SPMIP9: variants seen among roughly 807,000 people sequenced by gnomAD.
SPMIP9 encodes the protein protein SPMIP9.
chr2:88,526,271 G>A, the SPMIP9 span: 2 of 695,376 alleles, frequency 2.9e-6, no homozygotes, highest in Non-Finnish European at 2.6e-6. Context: ...ATGGGTCACA[G>A]CCAGATCATT....
chr2:88,526,720 A>G, the SPMIP9 span, among the ~76,000 whole-genome samples: 1 of 151,904 alleles, frequency 6.6e-6, no homozygotes, highest in Non-Finnish European at 1.5e-5. Flanking sequence ...GCTGGAGTGC[A>G]GTGGCGCGAT....
At chr2:88,526,516 C>T in the SPMIP9 span, 4 of 1,591,252 alleles carry the variant, frequency 2.5e-6, no homozygotes, top group East Asian at 6.7e-5. Flanking sequence ...GCACGCAAGT[C>T]CTGTCATTCA....
the SPMIP9 span, chr2:88,526,546 CCT>C: frequency 1.4e-6 from 2 of 1,398,300 alleles, no homozygotes; most frequent in Non-Finnish European, 2.0e-6. Context: ...CTACTGAAAT[CCT>C]CTCTGTTGCT....
At chr2:88,529,343 C>T in the SPMIP9 span, 1 of 1,614,166 alleles carries the variant, frequency 6.2e-7, no homozygotes, top group Non-Finnish European at 8.5e-7. Flanking sequence ...CCTCGTGGAT[C>T]CCAAACACCA....
the SPMIP9 span, chr2:88,526,378 T>C: frequency 3.8e-6 from 6 of 1,561,794 alleles, no homozygotes; most frequent in African/African-American, 8.1e-5. Flanking sequence ...AGGGAATCTC[T>C]TGTTTTATAT....
At chr2:88,529,112 A>G in the SPMIP9 span, 14 of 1,614,050 alleles carry the variant, frequency 8.7e-6, no homozygotes, top group Non-Finnish European at 1.2e-5. Flanking sequence ...CCCTAACCCC[A>G]ACCCCAAGCT....
chr2:88,525,638 G>A, the SPMIP9 span: 95 of 1,614,030 alleles, frequency 5.9e-5, 1 homozygote, highest in Admixed American at 1.4e-3. Context: ...TGTCTAGGTC[G>A]TTTGCCATGG....
At chr2:88,529,064 G>C in the SPMIP9 span, 1 of 1,611,558 alleles carries the variant, frequency 6.2e-7, no homozygotes, top group Middle Eastern at 1.7e-4. Context: ...GGCAAAGCTC[G>C]ATGCTCAACT....
the SPMIP9 span, chr2:88,529,487 T>C: frequency 6.2e-7 from 1 of 1,600,716 alleles, no homozygotes; most frequent in East Asian, 2.2e-5. Flanking sequence ...AGGATGAAAA[T>C]ACCTTCCAAA....
chr2:88,527,392 G>T, the SPMIP9 span, among the ~76,000 whole-genome samples: 3 of 152,106 alleles, frequency 2.0e-5, no homozygotes, highest in East Asian at 1.9e-4. Flanking sequence ...TGCGTGGAAG[G>T]CTGAGACATG....
chr2:88,525,596 C>G, the SPMIP9 span: 5 of 1,613,138 alleles, frequency 3.1e-6, no homozygotes, highest in South Asian at 1.1e-5. Context: ...CTTTCCTTGT[C>G]TGTGGCAGAG....
At chr2:88,526,236 G>A in the SPMIP9 span, among the ~76,000 whole-genome samples, 1 of 152,148 alleles carries the variant, frequency 6.6e-6, no homozygotes, top group African/African-American at 2.4e-5. Context: ...AGTAGAGAAG[G>A]CAGGAAGGTG....
chr2:88,525,692 T>TCCCCTGTG, the SPMIP9 span: 1 of 1,613,888 alleles, frequency 6.2e-7, no homozygotes. Flanking sequence ...TGGGTTTCTG[T>TCCCCTGTG]CCCCTGTGAC....
At chr2:88,525,643 C>T in the SPMIP9 span, 12 of 1,614,036 alleles carry the variant, frequency 7.4e-6, no homozygotes, top group Non-Finnish European at 1.0e-5. Flanking sequence ...AGGTCGTTTG[C>T]CATGGCAGGT....
chr2:88,526,666 A>AT, the SPMIP9 span, among the ~76,000 whole-genome samples: 19 of 149,620 alleles, frequency 1.3e-4, no homozygotes, highest in East Asian at 3.9e-4. Flanking sequence ...ATGTGTGTGT[A>AT]TTTTTTTTTT....
chr2:88,527,484 C>A, the SPMIP9 span, among the ~76,000 whole-genome samples: 2 of 152,154 alleles, frequency 1.3e-5, no homozygotes, highest in Non-Finnish European at 2.9e-5. Flanking sequence ...TCTAAAAACT[C>A]ATTTTACCTT....
the SPMIP9 span, among the ~76,000 whole-genome samples, chr2:88,528,484 C>T: frequency 6.6e-6 from 1 of 152,154 alleles, no homozygotes; most frequent in Admixed American, 6.6e-5. Flanking sequence ...AAACTCTTCT[C>T]CAGTTTGTGG....
the SPMIP9 span, among the ~76,000 whole-genome samples, chr2:88,527,449 A>G: frequency 6.6e-6 from 1 of 152,152 alleles, no homozygotes; most frequent in African/African-American, 2.4e-5. Context: ...ATCCCCCCCA[A>G]AAAAATCATT....
At chr2:88,527,447 C>A in the SPMIP9 span, among the ~76,000 whole-genome samples, 55 of 152,060 alleles carry the variant, frequency 3.6e-4, no homozygotes, top group South Asian at 1.9e-3. Flanking sequence ...CTATCCCCCC[C>A]AAAAAAATCA....
Sources: gnomAD v4.1 joint callset for allele counts (sites outside exome capture counted in the v4.1 genomes callset) on GRCh38, gnomAD v4.1.1 for gene constraint, MANE v1.5 for transcripts, NCBI Gene and HGNC (gene_info 2026-07-23, HGNC 2026-07-21) for gene names.